The following DCC variants were observed in gnomAD, a reference collection of about 807,000 sequenced individuals.
The protein encoded by DCC is DCC netrin 1 receptor, also known as netrin receptor DCC.
Under a neutral mutation model 172.5 loss-of-function variants are expected in DCC, and 58 were observed. The ratio of observed to expected loss-of-function variants is 0.34; its 90% CI spans 0.27 to 0.42. The LOEUF (loss-of-function observed/expected upper bound fraction) is 0.42. Ranked by LOEUF, DCC falls within the 10% of genes least tolerant of loss-of-function variation. The pLI is 1.00. For missense variants in DCC, 1,740 were observed against 1,791.0 expected, an observed-to-expected ratio of 0.97 and a Z score of 0.51; for synonymous variants, 709 against 644.5, an observed-to-expected ratio of 1.10 and a Z score of -1.52.
chr18:53,466,628 C>T (rs971378876), intron 24 of DCC, among the ~76,000 whole-genome samples: 7 of 152,046 alleles, frequency 4.6e-5, no homozygotes, highest in Admixed American at 1.3e-4. Context: ...TGGGTTCAAG[C>T]GATTCTTCTG....
At chr18:53,177,786 C>T (rs552792620) in intron 8 of DCC, among the ~76,000 whole-genome samples, 15 of 152,082 alleles carry the variant, frequency 9.9e-5, no homozygotes, top group Middle Eastern at 6.8e-3. Context: ...TCAGGGAAGC[C>T]GGAAAATACG....
At chr18:52,917,793 A>G (rs887854157) in intron 3 of DCC, among the ~76,000 whole-genome samples, 1 of 152,188 alleles carries the variant, frequency 6.6e-6, no homozygotes, top group Non-Finnish European at 1.5e-5. Context: ...ACCAGTTCAA[A>G]GAATCAGGTT....
At chr18:52,522,821 C>T (rs1458515624) in intron 1 of DCC, among the ~76,000 whole-genome samples, 1 of 152,096 alleles carries the variant, frequency 6.6e-6, no homozygotes, top group Non-Finnish European at 1.5e-5. Context: ...AGTACCCCAC[C>T]TCAAGAGAGA....
Position 52,953,000 on chromosome 18 carries a change from C to CAAAAAAAAAAAA in DCC, c.985+27647_985+27658dup, listed in dbSNP as rs11315976. ...GCACCACAGTAAGACTCTCCTGTCT[C>CAAAAAAAAAAAA]AAAAAAAAAAAAAAAAAAAAAAAAA... On this transcript the variant is annotated intron_variant, in intron 5 of 28. Coordinates refer to ENST00000442544, the MANE Select transcript of DCC (RefSeq NM_005215.4). Among the ~76,000 whole-genome samples, 36 of 52,218 alleles carry CAAAAAAAAAAAA rather than the reference C, an allele frequency of 6.9e-4. 2 individuals are homozygous for CAAAAAAAAAAAA. Among genetic ancestry groups the CAAAAAAAAAAAA allele is most frequent in the African/African-American group, 8.2e-4 (10 of 12,258 alleles). The allele number at this position is 52,218 out of a possible 152,430, so 34.3% of individuals were successfully genotyped here. A position where few individuals can be genotyped will look rare whatever the true frequency, so the allele number is the denominator to read the frequency against.
chr18:52,597,016 AT>A (rs914429098), intron 1 of DCC, among the ~76,000 whole-genome samples: 13 of 149,782 alleles, frequency 8.7e-5, no homozygotes, highest in Admixed American at 2.0e-4. Flanking sequence ...GGGCTTTGTG[AT>A]TTTTTTTTTC....
chr18:53,511,638 C>T (rs577129798), intron 27 of DCC, among the ~76,000 whole-genome samples: 6 of 152,284 alleles, frequency 3.9e-5, no homozygotes, highest in East Asian at 3.9e-4. Context: ...CGAGGCATTG[C>T]GTCACTTGGG....
At chr18:52,399,046 A>T (rs945616425) in intron 1 of DCC, among the ~76,000 whole-genome samples, 6 of 151,966 alleles carry the variant, frequency 3.9e-5, no homozygotes, top group Non-Finnish European at 7.4e-5. Flanking sequence ...ATTTTGACCT[A>T]ATTTGGATAT....
intron 5 of DCC, among the ~76,000 whole-genome samples, chr18:52,983,202 A>G (rs1362283352): frequency 6.6e-6 from 1 of 152,160 alleles, no homozygotes; most frequent in East Asian, 1.9e-4. Context: ...AATTTTTCCT[A>G]GAGGAGACAC....
chr18:53,292,515 TGTCTCC>T (rs2144752538), intron 12 of DCC, among the ~76,000 whole-genome samples: 1 of 152,146 alleles, frequency 6.6e-6, no homozygotes, highest in African/African-American at 2.4e-5. Context: ...GGCAAAACCC[TGTCTCC>T]ACTAAACATA....
chr18:53,317,876 T>A (rs995285049), intron 13 of DCC, among the ~76,000 whole-genome samples: 1 of 152,186 alleles, frequency 6.6e-6, no homozygotes, highest in Non-Finnish European at 1.5e-5. Context: ...TTCTCTCTTT[T>A]CTTCTTTATT....
chr18:52,846,956 G>A (rs1184084992), intron 2 of DCC, among the ~76,000 whole-genome samples: 1 of 152,114 alleles, frequency 6.6e-6, no homozygotes, highest in Non-Finnish European at 1.5e-5. Flanking sequence ...TCACTGTGCA[G>A]TAAGAAGTCA....
At chr18:52,636,561 C>T (rs781429167) in intron 1 of DCC, among the ~76,000 whole-genome samples, 5 of 152,060 alleles carry the variant, frequency 3.3e-5, no homozygotes, top group Non-Finnish European at 7.4e-5. Flanking sequence ...TGACTGCCAG[C>T]TTTCCCCCAC....
At chr18:52,367,720 A>G (rs1443582) in intron 1 of DCC, among the ~76,000 whole-genome samples, 2,812 of 152,286 alleles carry the variant, frequency 0.018, 42 homozygotes, top group Middle Eastern at 0.034. Context: ...GGTTACCTCT[A>G]ACAACTTTGA....
intron 12 of DCC, among the ~76,000 whole-genome samples, chr18:53,233,369 TA>T (rs1439749736): frequency 1.3e-5 from 2 of 152,204 alleles, no homozygotes; most frequent in African/African-American, 4.8e-5. Flanking sequence ...AAAGGTCAAG[TA>T]ATATGCAGGG....
At chr18:53,090,730 A>T (rs1568298474) in intron 7 of DCC, among the ~76,000 whole-genome samples, 5 of 133,066 alleles carry the variant, frequency 3.8e-5, no homozygotes, top group African/African-American at 1.4e-4. Flanking sequence ...AAAAAAAAAA[A>T]AAAAGAATGT....
chr18:52,393,486 TC>T (rs1986106222), intron 1 of DCC, among the ~76,000 whole-genome samples: 2 of 152,090 alleles, frequency 1.3e-5, no homozygotes, highest in South Asian at 4.1e-4. Context: ...ATTTATATTT[TC>T]ATGAATAATC....
chr18:52,559,230 A>G (rs1145286), intron 1 of DCC, among the ~76,000 whole-genome samples: 4 of 151,592 alleles, frequency 2.6e-5, no homozygotes, highest in Non-Finnish European at 5.9e-5. Context: ...TCCTGCCTCA[A>G]CCTCCCGAGT....
At chr18:53,287,164 C>T (rs920584739) in intron 12 of DCC, among the ~76,000 whole-genome samples, 7 of 152,186 alleles carry the variant, frequency 4.6e-5, no homozygotes, top group African/African-American at 1.4e-4. Context: ...CCATCAGAGG[C>T]AATCTCTCAT....
chr18:53,455,918 CAT>C (rs2045477034), intron 23 of DCC, among the ~76,000 whole-genome samples: 1 of 152,162 alleles, frequency 6.6e-6, no homozygotes, highest in Admixed American at 6.5e-5. Context: ...TTTCTTGACA[CAT>C]AGTCAATCAT....
Sources: gnomAD v4.1 joint callset for allele counts (sites outside exome capture counted in the v4.1 genomes callset) on GRCh38, gnomAD v4.1.1 for gene constraint, MANE v1.5 for transcripts, NCBI Gene and HGNC (gene_info 2026-07-23, HGNC 2026-07-21) for gene names.